CNTN5: variants seen among roughly 807,000 people sequenced by gnomAD.
The protein encoded by CNTN5 is contactin 5, also known as contactin-5.
CNTN5 carries 77 observed loss-of-function variants against 129.1 expected under a neutral mutation model. The observed-to-expected ratio is 0.60, with a 90% CI of 0.50 to 0.72. The LOEUF is 0.72. Among genes scored for constraint, CNTN5 ranks in the 30% least tolerant of loss-of-function variants. The pLI, the probability that CNTN5 is intolerant of heterozygous loss-of-function variation, is 0.00. For synonymous variants in CNTN5, 509 were observed against 465.6 expected (o/e 1.09, Z -1.20); for missense variants, 1,478 against 1,328.8 (o/e 1.11, Z -1.75).
At chr11:99,045,010 A>G (rs1173530024) in intron 1 of CNTN5, among the ~76,000 whole-genome samples, 2 of 152,160 alleles carry the variant, frequency 1.3e-5, no homozygotes, top group South Asian at 2.1e-4. Flanking sequence ...GCATGATGTT[A>G]TTGTGAAGAT....
chr11:99,631,438 A>C (rs1358976052), intron 3 of CNTN5, among the ~76,000 whole-genome samples: 1 of 152,006 alleles, frequency 6.6e-6, no homozygotes, highest in Non-Finnish European at 1.5e-5. Flanking sequence ...AATCAATAAT[A>C]ATATAAATGT....
At chr11:99,386,313 A>G (rs957989604) in intron 2 of CNTN5, among the ~76,000 whole-genome samples, 3 of 152,218 alleles carry the variant, frequency 2.0e-5, no homozygotes, top group Admixed American at 6.5e-5. Context: ...TTAAGAAAGT[A>G]AAGGAATAAA....
intron 8 of CNTN5, among the ~76,000 whole-genome samples, chr11:99,975,270 T>C (rs1030048284): frequency 3.9e-5 from 6 of 152,072 alleles, no homozygotes; most frequent in Non-Finnish European, 8.8e-5. Flanking sequence ...CATGGAGTCA[T>C]TGGAGATTAT....
At chr11:100,310,355 A>T (rs1427664446) in intron 21 of CNTN5, among the ~76,000 whole-genome samples, 1 of 151,852 alleles carries the variant, frequency 6.6e-6, no homozygotes, top group Non-Finnish European at 1.5e-5. Flanking sequence ...ACCTGCCCTA[A>T]TAGCATGACA....
At chr11:99,624,754 C>A (rs1022618841) in intron 3 of CNTN5, among the ~76,000 whole-genome samples, 1 of 152,168 alleles carries the variant, frequency 6.6e-6, no homozygotes, top group South Asian at 2.1e-4. Flanking sequence ...GTGACTGATA[C>A]ATGTCTGATG....
chr11:100,185,544 T>G (rs143521271), intron 13 of CNTN5, among the ~76,000 whole-genome samples: 11 of 152,254 alleles, frequency 7.2e-5, no homozygotes, highest in Non-Finnish European at 1.5e-4. Flanking sequence ...GAAAAATGAT[T>G]CCTAACTTCA....
intron 21 of CNTN5, among the ~76,000 whole-genome samples, chr11:100,330,109 G>A (rs1951874283): frequency 6.6e-6 from 1 of 152,106 alleles, no homozygotes; most frequent in African/African-American, 2.4e-5. Flanking sequence ...AAATTCTTCA[G>A]TGAAATACAC....
chr11:100,129,919 C>T (rs372522920), intron 13 of CNTN5, among the ~76,000 whole-genome samples: 13 of 151,686 alleles, frequency 8.6e-5, no homozygotes, highest in African/African-American at 3.1e-4. Context: ...AATCATTAGT[C>T]GTGGTAAAAA....
chr11:100,328,379 G>A (rs982445763), intron 21 of CNTN5, among the ~76,000 whole-genome samples: 9 of 152,018 alleles, frequency 5.9e-5, no homozygotes, highest in Non-Finnish European at 7.4e-5. Flanking sequence ...AAATGAGACC[G>A]TCCCTTCTTG....
chr11:100,094,717 A>C lies in CNTN5; in HGVS notation c.1580+20423A>C, dbSNP rs192965381. On this transcript the variant is annotated intron_variant, in intron 13 of 24. Coordinates refer to ENST00000524871, the MANE Select transcript of CNTN5 (RefSeq NM_014361.4). ...AGGAAGGAAAGCAGACCAGGAGGAA[A>C]AAAGGAAAGAGAGAGACAGGGAAAG... Among the ~76,000 whole-genome samples, 39 of 151,074 alleles carry C rather than the reference A, an allele frequency of 2.6e-4. No homozygotes were observed. The East Asian group carries it at 5.9e-3, about 23-fold the overall frequency.
At chr11:99,721,331 C>A (rs1197937890) in intron 3 of CNTN5, among the ~76,000 whole-genome samples, 3 of 152,034 alleles carry the variant, frequency 2.0e-5, no homozygotes, top group African/African-American at 4.8e-5. Context: ...TAAGGCCACA[C>A]ATATATGTCC....
At chr11:99,345,704 C>A (rs1363140132) in intron 2 of CNTN5, among the ~76,000 whole-genome samples, 1 of 152,166 alleles carries the variant, frequency 6.6e-6, no homozygotes, top group Non-Finnish European at 1.5e-5. Context: ...AAAAGACTTT[C>A]AGTCTTAGTT....
At chr11:99,602,123 T>C (rs929303547) in intron 3 of CNTN5, among the ~76,000 whole-genome samples, 1 of 152,056 alleles carries the variant, frequency 6.6e-6, no homozygotes, top group African/African-American at 2.4e-5. Context: ...TAATAATAGA[T>C]ACAAATCATG....
chr11:99,619,872 A>G (rs960630536), intron 3 of CNTN5, among the ~76,000 whole-genome samples: 8 of 151,798 alleles, frequency 5.3e-5, no homozygotes. Flanking sequence ...TAAAAATACA[A>G]AAAATTAGCC....
intron 7 of CNTN5, among the ~76,000 whole-genome samples, chr11:99,926,761 A>G (rs1950072253): frequency 6.6e-6 from 1 of 152,238 alleles, no homozygotes; most frequent in Non-Finnish European, 1.5e-5. Context: ...ACTATATATT[A>G]AATTACATAA....
intron 13 of CNTN5, among the ~76,000 whole-genome samples, chr11:100,177,300 C>T (rs1421954335): frequency 2.0e-5 from 3 of 152,042 alleles, no homozygotes; most frequent in African/African-American, 7.2e-5. Flanking sequence ...CTCACAGCAC[C>T]CCTGCTGTGT....
At chr11:100,138,904 T>A (rs765971446) in intron 13 of CNTN5, among the ~76,000 whole-genome samples, 2 of 152,194 alleles carry the variant, frequency 1.3e-5, no homozygotes, top group Middle Eastern at 6.8e-3. Context: ...GTAGTAGAGA[T>A]GATGAGAAGT....
At chr11:99,347,751 C>G (rs1046615656) in intron 2 of CNTN5, among the ~76,000 whole-genome samples, 6 of 152,110 alleles carry the variant, frequency 3.9e-5, no homozygotes, top group African/African-American at 1.4e-4. Flanking sequence ...ATTTTTCGTT[C>G]TGAGGTGGGT....
At chr11:99,715,450 G>A (rs1391128891) in intron 3 of CNTN5, among the ~76,000 whole-genome samples, 2 of 151,650 alleles carry the variant, frequency 1.3e-5, no homozygotes, top group East Asian at 2.0e-4. Flanking sequence ...TCTTTCTTTA[G>A]TGGTGGCATT....
Sources: gnomAD v4.1 joint callset for allele counts (sites outside exome capture counted in the v4.1 genomes callset) on GRCh38, gnomAD v4.1.1 for gene constraint, MANE v1.5 for transcripts, NCBI Gene and HGNC (gene_info 2026-07-23, HGNC 2026-07-21) for gene names.